Variants in LMLN observed in about 807,000 individuals in gnomAD.
The protein encoded by LMLN is leishmanolysin like peptidase, also known as leishmanolysin-like peptidase.
Under a neutral mutation model 92.3 loss-of-function variants are expected in LMLN, and 70 were observed. The observed-to-expected ratio is 0.76, with a 90% CI of 0.63 to 0.92. The LOEUF is 0.92. Ranked by LOEUF, LMLN falls within the 40% of genes least tolerant of loss-of-function variation. LMLN has a pLI of 0.00. For synonymous variants in LMLN, 308 were observed against 296.2 expected (o/e 1.04, Z -0.41); for missense variants, 691 against 814.6 (o/e 0.85, Z 1.85).
chr3:197,980,286 T>A (rs562428475), intron 5 of LMLN, 40 bp from the exon 6 acceptor site: 1 of 1,567,348 alleles, frequency 6.4e-7, no homozygotes, highest in South Asian at 1.1e-5. Flanking sequence ...CAGCTAACTT[T>A]GTCTCTGTTC....
chr3:198,006,962 C>G (rs1356146914), intron 11 of LMLN, among the ~76,000 whole-genome samples: 1 of 152,202 alleles, frequency 6.6e-6, no homozygotes, highest in Non-Finnish European at 1.5e-5. Flanking sequence ...CCACCTGCCT[C>G]AGCCTCCCAA....
At chr3:197,993,172 TCTTATA>T (rs1295760653) in intron 9 of LMLN, among the ~76,000 whole-genome samples, 2 of 151,992 alleles carry the variant, frequency 1.3e-5, no homozygotes, top group Non-Finnish European at 2.9e-5. Flanking sequence ...CCACAACCAA[TCTTATA>T]CTCATTAGTG....
chr3:197,981,496 G>C (rs1166216439), intron 6 of LMLN, among the ~76,000 whole-genome samples: 1 of 152,218 alleles, frequency 6.6e-6, no homozygotes, highest in African/African-American at 2.4e-5. Context: ...GTGAAGAAAG[G>C]TGTTAATAAT....
At chr3:197,969,134 T>C (rs1282205697) in intron 1 of LMLN, among the ~76,000 whole-genome samples, 1 of 152,002 alleles carries the variant, frequency 6.6e-6, no homozygotes. Context: ...TAGTTTGAAG[T>C]GCAATAGCAC....
chr3:197,999,135 C>G (rs375491133), intron 10 of LMLN, 131 bp from the exon 11 acceptor site: 1 of 672,656 alleles, frequency 1.5e-6, no homozygotes, highest in East Asian at 2.7e-5. Flanking sequence ...ATGTATTTCA[C>G]CACTTTTAAG....
chr3:198,028,049 G>T (rs902837402), intron 14 of LMLN, among the ~76,000 whole-genome samples: 1 of 151,998 alleles, frequency 6.6e-6, no homozygotes, highest in Non-Finnish European at 1.5e-5. Context: ...TAAGTGGAAG[G>T]TACAGAGAGT....
At chr3:197,973,755 T>A (rs1353312310) in intron 1 of LMLN, among the ~76,000 whole-genome samples, 1 of 152,218 alleles carries the variant, frequency 6.6e-6, no homozygotes, top group Non-Finnish European at 1.5e-5. Context: ...CTTGTATACA[T>A]CTGCAGAAAT....
chr3:197,976,148 G>T, intron 4 of LMLN, 37 bp downstream of exon 4: 2 of 1,248,298 alleles, frequency 1.6e-6, no homozygotes, highest in Non-Finnish European at 2.3e-6. Context: ...TTCTTCAGCC[G>T]TTTAGTACTC....
intron 14 of LMLN, among the ~76,000 whole-genome samples, chr3:198,028,124 G>A (rs1442200143): frequency 6.6e-6 from 1 of 152,114 alleles, no homozygotes; most frequent in African/African-American, 2.4e-5. Context: ...TACCACAGAG[G>A]CATTTTTGGT....
In LMLN at chr3:198,036,058, T is replaced by C. The variant is rs1723227427; in HGVS notation, c.1867+15T>C. The C allele has an allele frequency of 1.2e-6, 2 of 1,607,900 alleles. No homozygotes were observed. Among genetic ancestry groups the C allele is most frequent in the Non-Finnish European group, 8.5e-7 (1 of 1,175,650 alleles). On this transcript the variant is annotated intron_variant, in intron 15 of 15. Coordinates refer to ENST00000330198, the Ensembl canonical transcript of LMLN. ...TCTGCCACTTGGTGAGTGCTCTCTA[T>C]GGTTGGAATAAAGAGGGAAAAGTGA...
At chr3:198,000,123 C>T (rs954844193) in intron 11 of LMLN, among the ~76,000 whole-genome samples, 1 of 152,048 alleles carries the variant, frequency 6.6e-6, no homozygotes, top group African/African-American at 2.4e-5. Context: ...AACGCCTGGG[C>T]TCAAGCAAGC....
chr3:198,037,904 C>G (rs1410772714), intron 15 of LMLN, among the ~76,000 whole-genome samples: 1 of 152,122 alleles, frequency 6.6e-6, no homozygotes. Context: ...AATAGGGGAC[C>G]ATATGTTCTG....
intron 11 of LMLN, among the ~76,000 whole-genome samples, chr3:198,013,702 A>G (rs1295154238): frequency 8.0e-6 from 1 of 125,448 alleles, no homozygotes; most frequent in Non-Finnish European, 1.6e-5. Flanking sequence ...AGAGCCCCCT[A>G]ACTAGTCTGA....
chr3:198,003,164 G>A (rs1180448203), intron 11 of LMLN, 39 bp downstream of exon 12: 1 of 1,172,494 alleles, frequency 8.5e-7, no homozygotes, highest in Admixed American at 2.2e-5. Context: ...TGATTACACA[G>A]TTCCTTTCTG....
chr3:197,961,753 T>C (rs923515421), intron 1 of LMLN, among the ~76,000 whole-genome samples: 1 of 152,194 alleles, frequency 6.6e-6, no homozygotes. Context: ...TACAGGAAAT[T>C]ACATAACTTT....
At chr3:198,028,199 T>C (rs6806518) in intron 14 of LMLN, among the ~76,000 whole-genome samples, 9,797 of 151,824 alleles carry the variant, frequency 0.065, 372 homozygotes, top group African/African-American at 0.099. Context: ...TCTGGGTGTT[T>C]TCAATGAACC....
intron 15 of LMLN, among the ~76,000 whole-genome samples, chr3:198,037,218 G>A (rs1368233703): frequency 3.9e-5 from 6 of 152,198 alleles, no homozygotes; most frequent in Admixed American, 6.5e-5. Context: ...GAAGAGGTGC[G>A]TGGGGCAAAG....
At chr3:197,996,893 T>C (rs1581155412) in intron 10 of LMLN, among the ~76,000 whole-genome samples, 1 of 152,186 alleles carries the variant, frequency 6.6e-6, no homozygotes, top group Non-Finnish European at 1.5e-5. Flanking sequence ...GCAGTCCTCC[T>C]GCCTCAGCCT....
chr3:197,976,826 C>T, intron 5 of LMLN, 111 bp downstream of exon 5: 1 of 499,664 alleles, frequency 2.0e-6, no homozygotes, highest in Non-Finnish European at 3.7e-6. Context: ...CTTCCTTGGT[C>T]TACAAAAAGT....
Sources: allele counts gnomAD v4.1 joint callset (sites outside exome capture counted in the v4.1 genomes callset), GRCh38; gene constraint gnomAD v4.1.1; transcripts MANE v1.5; gene names NCBI Gene and HGNC (gene_info 2026-07-23, HGNC 2026-07-21).